CDH18: variants seen among roughly 807,000 people sequenced by gnomAD.
CDH18 encodes cadherin-18.
CDH18 carries 31 observed loss-of-function variants against 67.9 expected under a neutral mutation model. The observed-to-expected ratio is 0.46, with a 90% CI of 0.34 to 0.62. The LOEUF (loss-of-function observed/expected upper bound fraction) is 0.62. Ranked by LOEUF, CDH18 falls within the 20% of genes least tolerant of loss-of-function variation. CDH18 has a pLI of 0.01. For missense variants in CDH18, 890 were observed against 975.5 expected (o/e 0.91, Z 1.17); for synonymous variants, 362 against 347.2 (o/e 1.04, Z -0.48).
chr5:20,238,903 G>C (rs927746900), intron 2 of CDH18, among the ~76,000 whole-genome samples: 2 of 152,244 alleles, frequency 1.3e-5, no homozygotes, highest in African/African-American at 4.8e-5. Flanking sequence ...GGCTAGTAAT[G>C]CTTAGAGCTG....
chr5:19,816,175 A>G (rs1014905857), intron 3 of CDH18, among the ~76,000 whole-genome samples: 5 of 151,890 alleles, frequency 3.3e-5, no homozygotes, highest in African/African-American at 1.2e-4. Flanking sequence ...TTTAGCCTAA[A>G]CAATATGGCA....
intron 2 of CDH18, among the ~76,000 whole-genome samples, chr5:20,013,428 A>G (rs1052392998): frequency 6.6e-6 from 1 of 152,092 alleles, no homozygotes; most frequent in South Asian, 2.1e-4. Flanking sequence ...TTGTAGCTCA[A>G]AAATAGGGCT....
intron 3 of CDH18, among the ~76,000 whole-genome samples, chr5:19,787,657 A>G (rs1448768409): frequency 6.6e-6 from 1 of 151,998 alleles, no homozygotes; most frequent in African/African-American, 2.4e-5. Context: ...TGAGACATAA[A>G]TAAACAACTA....
At chr5:20,014,591 T>C (rs1253643876) in intron 2 of CDH18, among the ~76,000 whole-genome samples, 5 of 152,114 alleles carry the variant, frequency 3.3e-5, no homozygotes, top group African/African-American at 1.2e-4. Flanking sequence ...AAAATAATTT[T>C]ATATATAGTT....
chr5:19,751,066 A>T (rs1313160072), intron 3 of CDH18, among the ~76,000 whole-genome samples: 1 of 152,216 alleles, frequency 6.6e-6, no homozygotes, highest in African/African-American at 2.4e-5. Flanking sequence ...AATCTCTAGC[A>T]TTACTTTAAT....
At chr5:20,492,295 C>T (rs940124960) in intron 1 of CDH18, among the ~76,000 whole-genome samples, 1 of 151,976 alleles carries the variant, frequency 6.6e-6, no homozygotes. Context: ...CTTTGGTTTT[C>T]AGCATCACCT....
At chr5:20,515,889 A>G (rs2126502284) in intron 1 of CDH18, among the ~76,000 whole-genome samples, 1 of 152,172 alleles carries the variant, frequency 6.6e-6, no homozygotes, top group Non-Finnish European at 1.5e-5. Flanking sequence ...GTCAGGAAAA[A>G]TATGAAGTTA....
intron 2 of CDH18, among the ~76,000 whole-genome samples, chr5:20,019,939 T>C (rs1191252360): frequency 6.6e-6 from 1 of 152,144 alleles, no homozygotes; most frequent in African/African-American, 2.4e-5. Flanking sequence ...AATGCTGATA[T>C]TGATGTGGAC....
At chr5:20,400,353 C>T (rs1198311524) in intron 1 of CDH18, among the ~76,000 whole-genome samples, 5 of 151,956 alleles carry the variant, frequency 3.3e-5, no homozygotes, top group Admixed American at 6.6e-5. Context: ...TGTCAGGCAC[C>T]TGTAATACCC....
chr5:20,265,931 C>T (rs1261431757), intron 1 of CDH18, among the ~76,000 whole-genome samples: 1 of 152,144 alleles, frequency 6.6e-6, no homozygotes, highest in East Asian at 1.9e-4. Context: ...TGTGGGTGGA[C>T]ATCACCAAAT....
At chr5:20,208,467 C>T (rs1055932353) in intron 2 of CDH18, among the ~76,000 whole-genome samples, 15 of 151,936 alleles carry the variant, frequency 9.9e-5, no homozygotes, top group Non-Finnish European at 1.8e-4. Flanking sequence ...ATATACAATC[C>T]GGAGAGGACA....
Position 19,591,046 on chromosome 5 carries a change from G to C in CDH18, c.999+11C>G. The C allele has an allele frequency of 2.6e-6, 4 of 1,525,764 alleles. No homozygotes were observed. Among genetic ancestry groups the C allele is most frequent in the Middle Eastern group, 1.8e-4 (1 of 5,630 alleles). 94.5% of individuals were successfully genotyped at this position (1,525,764 alleles called of 1,614,324 possible). ...GAGTTGCCTGAATCACAAAAAGTATGTTCTTTTTACCTTCTTTAAAGAAAG... is the reference window on the plus strand; with the variant it reads ...GAGTTGCCTGAATCACAAAAAGTATCTTCTTTTTACCTTCTTTAAAGAAAG... On this transcript the variant is annotated intron_variant, in intron 7 of 12. Transcript: ENST00000382275.
chr5:20,177,664 T>C (rs948965014), intron 2 of CDH18, among the ~76,000 whole-genome samples: 1 of 152,016 alleles, frequency 6.6e-6, no homozygotes, highest in Admixed American at 6.6e-5. Flanking sequence ...CCTGATATGG[T>C]TCGGCCATGT....
At chr5:20,062,937 A>G (rs1742626524) in intron 2 of CDH18, among the ~76,000 whole-genome samples, 1 of 150,618 alleles carries the variant, frequency 6.6e-6, no homozygotes, top group Admixed American at 6.6e-5. Context: ...CTAAATTTAT[A>G]TTTATGTAAT....
chr5:19,984,551 G>C (rs970375057), intron 1 of CDH18, among the ~76,000 whole-genome samples: 3 of 151,936 alleles, frequency 2.0e-5, no homozygotes, highest in South Asian at 2.1e-4. Flanking sequence ...TTTTAACCAC[G>C]CTAGAATAAC....
At chr5:19,830,679 T>C (rs1780917644) in intron 3 of CDH18, among the ~76,000 whole-genome samples, 1 of 152,148 alleles carries the variant, frequency 6.6e-6, no homozygotes, top group Non-Finnish European at 1.5e-5. Context: ...GCAATCCAGG[T>C]ATTGGGTATA....
intron 1 of CDH18, among the ~76,000 whole-genome samples, chr5:20,567,670 G>T (rs1435337493): frequency 6.6e-6 from 1 of 152,148 alleles, no homozygotes; most frequent in Non-Finnish European, 1.5e-5. Context: ...ACTCCATATA[G>T]TACTCTCTTG....
At chr5:20,392,259 T>G (rs1744926641) in intron 1 of CDH18, among the ~76,000 whole-genome samples, 1 of 151,854 alleles carries the variant, frequency 6.6e-6, no homozygotes, top group Non-Finnish European at 1.5e-5. Context: ...GTTGAAAATT[T>G]GAAAAAGTTT....
In CDH18 at chr5:19,590,484, G is replaced by GATA. The variant is rs1554054151; in HGVS notation, c.999+572_999+573insTAT. Among the ~76,000 whole-genome samples, 16 of 149,818 alleles carry GATA rather than the reference G, an allele frequency of 1.1e-4. 1 individual carries two copies. The highest frequency in any genetic ancestry group is 8.7e-4 in the Admixed American group (13 of 15,018). On this transcript the variant is annotated intron_variant, in intron 7 of 12. Coordinates refer to ENST00000382275, the MANE Select transcript of CDH18 (RefSeq NM_004934.5). ...TATGTATACAAGTAGCTAGACAGAT[G>GATA]GATAGATAGATAGATAGATAGATAG...
Sources: allele counts gnomAD v4.1 joint callset (sites outside exome capture counted in the v4.1 genomes callset), GRCh38; gene constraint gnomAD v4.1.1; transcripts MANE v1.5; gene names NCBI Gene and HGNC (gene_info 2026-07-23, HGNC 2026-07-21).